The following JADE1 variants were observed in gnomAD, a reference collection of about 807,000 sequenced individuals.
The protein encoded by JADE1 is jade family PHD finger 1.
A neutral mutation model predicts 81.8 loss-of-function variants in JADE1; 14 were observed. The ratio of observed to expected loss-of-function variants is 0.17; its 90% CI spans 0.11 to 0.27. JADE1 has a LOEUF of 0.27. JADE1 is among the 10% of genes least tolerant of loss of function. The probability of loss-of-function intolerance (pLI) is 1.00; values close to 1 mark genes in which losing one functional copy is unlikely to be tolerated. For missense variants in JADE1, 690 were observed against 1,047.9 expected, an observed-to-expected ratio of 0.66 and a Z score of 4.71; for synonymous variants, 353 against 391.9, an observed-to-expected ratio of 0.90 and a Z score of 1.17.
intron 10 of JADE1, among the ~76,000 whole-genome samples, chr4:128,868,591 C>G (rs1474172886): frequency 6.6e-6 from 1 of 152,196 alleles, no homozygotes. Context: ...TTCCTCTACT[C>G]TGGACAACAC....
chr4:128,846,667 A>T lies in JADE1; in HGVS notation c.296+135A>T. ...AGCATTAAAATATCATGAGGCCTCAAGTGGAAATAGAAATTCAGGAGCAAC... is the reference window on the plus strand; with the variant it reads ...AGCATTAAAATATCATGAGGCCTCATGTGGAAATAGAAATTCAGGAGCAAC... On this transcript the variant is annotated intron_variant, in intron 4 of 10. Transcript: ENST00000226319. This position sits in a 1 kb window ranked among gnomAD's most constrained non-coding sequence, Gnocchi z 4.0. The T allele has an allele frequency of 1.1e-6, 1 of 910,918 alleles. No individual in the cohort carries two copies. The highest frequency in any genetic ancestry group is 2.6e-5 in the East Asian group (1 of 37,948). The allele number at this position is 910,918 out of a possible 1,614,324, so 56.4% of individuals were successfully genotyped here.
At chr4:128,858,996 A>G (rs972107440) in intron 8 of JADE1, among the ~76,000 whole-genome samples, 1 of 152,104 alleles carries the variant, frequency 6.6e-6, no homozygotes, top group Non-Finnish European at 1.5e-5. Flanking sequence ...TATAACAGAA[A>G]TATTTGGAGG....
At chr4:128,843,098 GAGT>G (rs1729587644) in intron 3 of JADE1, 60 bp downstream of exon 3, 8 of 1,390,386 alleles carry the variant, frequency 5.8e-6, no homozygotes, top group Non-Finnish European at 8.1e-6. Context: ...ATGCCTAGTT[GAGT>G]GGTATCTATT....
chr4:128,839,774 GT>G (rs1729279901), intron 2 of JADE1, among the ~76,000 whole-genome samples: 1 of 152,136 alleles, frequency 6.6e-6, no homozygotes, highest in South Asian at 2.1e-4. Flanking sequence ...CTGTGATGGT[GT>G]TCCACTGTAT....
chr4:128,869,810 T>G (rs17013872), intron 10 of JADE1, among the ~76,000 whole-genome samples: 3,641 of 152,340 alleles, frequency 0.024, 116 homozygotes, highest in African/African-American at 0.074. Context: ...CCTGTAGGAT[T>G]CTGTTGAGTA....
chr4:128,850,312 CA>C lies in JADE1; in HGVS notation c.484+1160del, dbSNP rs10626914. Among the ~76,000 whole-genome samples the C allele has an allele frequency of 8.1e-4, 114 of 139,952 alleles. 1 individual carries two copies. The highest frequency in any genetic ancestry group is 2.5e-3 in the African/African-American group (95 of 37,442). 91.8% of individuals were successfully genotyped at this position (139,952 alleles called of 152,430 possible). A position where few individuals can be genotyped will look rare whatever the true frequency, so the allele number is the denominator to read the frequency against. ...TGGGCAACAGAGCCAGACTCCATCT[CA>C]AAAAAAAAAAAAAATCACAAGATTT... On this transcript the variant is annotated intron_variant, in intron 5 of 10. Coordinates refer to ENST00000226319, the MANE Select transcript of JADE1 (RefSeq NM_199320.4).
intron 3 of JADE1, among the ~76,000 whole-genome samples, chr4:128,845,504 G>C (rs1302589516): frequency 6.6e-6 from 1 of 152,166 alleles, no homozygotes; most frequent in Non-Finnish European, 1.5e-5. Flanking sequence ...GTGGCCTGTG[G>C]TTGCTTCTCT....
chr4:128,826,304 C>T (rs61306978), intron 1 of JADE1, among the ~76,000 whole-genome samples: 3,407 of 152,282 alleles, frequency 0.022, 111 homozygotes, highest in African/African-American at 0.073. Flanking sequence ...CTGTCCCGTA[C>T]TGCAAGGTCC....
chr4:128,864,421 C>A (rs1036217689), intron 9 of JADE1: 12 of 983,898 alleles, frequency 1.2e-5, no homozygotes, highest in African/African-American at 1.7e-5. Flanking sequence ...GTTGGGATTA[C>A]GCCACTGTAC....
chr4:128,869,397 ACTGT>A (rs1732021904), intron 10 of JADE1, among the ~76,000 whole-genome samples: 2 of 152,204 alleles, frequency 1.3e-5, no homozygotes, highest in South Asian at 2.1e-4. Flanking sequence ...GCCTTGGAAG[ACTGT>A]CTGGTGCAGA....
intron 9 of JADE1, chr4:128,863,338 GA>G: frequency 3.0e-6 from 3 of 985,566 alleles, no homozygotes; most frequent in Non-Finnish European, 3.6e-6. Flanking sequence ...TCATTAGTGT[GA>G]AAGAGGTGGG....
chr4:128,810,680 C>T (rs1726267713), intron 1 of JADE1, among the ~76,000 whole-genome samples: 1 of 138,140 alleles, frequency 7.2e-6, no homozygotes, highest in Non-Finnish European at 1.5e-5. Flanking sequence ...CTCTTGTCAC[C>T]GCGTCACCAC....
intron 5 of JADE1, among the ~76,000 whole-genome samples, chr4:128,850,110 A>C (rs1382698217): frequency 1.3e-5 from 2 of 152,078 alleles, no homozygotes; most frequent in Non-Finnish European, 2.9e-5. Context: ...CCTGGCAAAC[A>C]TGGTGAAACC....
At chr4:128,848,922 C>T (rs1730105474) in intron 4 of JADE1, 58 bp from the exon 5 acceptor site, 8 of 1,561,590 alleles carry the variant, frequency 5.1e-6, no homozygotes, top group Admixed American at 1.8e-5. Flanking sequence ...CCTTGTGGCA[C>T]ACTTCATTGT....
At chr4:128,824,961 T>G (rs1727913483) in intron 1 of JADE1, among the ~76,000 whole-genome samples, 1 of 152,186 alleles carries the variant, frequency 6.6e-6, no homozygotes, top group Non-Finnish European at 1.5e-5. Context: ...AACTGGACAG[T>G]TTGTTTTCCT....
At chr4:128,848,880 C>T in intron 4 of JADE1, 100 bp from the exon 5 acceptor site, 1 of 1,118,498 alleles carries the variant, frequency 8.9e-7, no homozygotes, top group South Asian at 1.3e-5. Context: ...TGACCTGGGG[C>T]TCTAAGGGTT....
At chr4:128,856,203 A>T (rs1483688917) in intron 7 of JADE1, among the ~76,000 whole-genome samples, 2 of 152,202 alleles carry the variant, frequency 1.3e-5, no homozygotes, top group Non-Finnish European at 2.9e-5. Context: ...CCATGCATAA[A>T]TAGGCAGCAT....
chr4:128,836,372 A>G (rs1728980252), intron 2 of JADE1, among the ~76,000 whole-genome samples: 1 of 152,128 alleles, frequency 6.6e-6, no homozygotes, highest in African/African-American at 2.4e-5. Flanking sequence ...GAAAATATTA[A>G]CATCATAAAG....
intron 2 of JADE1, among the ~76,000 whole-genome samples, chr4:128,840,007 A>C (rs1167555878): frequency 6.6e-6 from 1 of 152,252 alleles, no homozygotes; most frequent in African/African-American, 2.4e-5. Flanking sequence ...ATTAAGAGGA[A>C]AAGGAACAGA....
Sources: allele counts gnomAD v4.1 joint callset (sites outside exome capture counted in the v4.1 genomes callset), GRCh38; gene constraint gnomAD v4.1.1; non-coding constraint Gnocchi (gnomAD v3.1); transcripts MANE v1.5; gene names NCBI Gene and HGNC (gene_info 2026-07-23, HGNC 2026-07-21).